Variants in FHIT observed in about 807,000 individuals in gnomAD.
FHIT encodes fragile histidine triad diadenosine triphosphatase.
A neutral mutation model predicts 17.9 loss-of-function variants in FHIT; 19 were observed. The observed-to-expected ratio is 1.06, with a 90% CI of 0.74 to 1.56. The LOEUF is 1.56. Among genes scored for constraint, FHIT ranks in the 40% most tolerant of loss-of-function variants. FHIT has a pLI of 0.00. For synonymous variants in FHIT, 81 were observed against 69.7 expected (o/e 1.16, Z -0.81); for missense variants, 248 against 189.2 (o/e 1.31, Z -1.82).
chr3:61,091,871 T>C (rs1180389174), intron 2 of FHIT, among the ~76,000 whole-genome samples: 1 of 140,104 alleles, frequency 7.1e-6, no homozygotes, highest in South Asian at 2.3e-4. Flanking sequence ...GTCTGGGAGG[T>C]TGAGGCTACA....
chr3:60,224,929 C>A (rs557397987), intron 5 of FHIT, among the ~76,000 whole-genome samples: 3 of 151,904 alleles, frequency 2.0e-5, no homozygotes, highest in Non-Finnish European at 2.9e-5. Flanking sequence ...CCATTTTGGC[C>A]AGACTGGTCT....
chr3:60,663,274 G>C (rs2040305773), intron 4 of FHIT, among the ~76,000 whole-genome samples: 2 of 150,506 alleles, frequency 1.3e-5, no homozygotes, highest in Admixed American at 6.6e-5. Context: ...AAGTTTGCTA[G>C]AATTTTGTTA....
intron 4 of FHIT, among the ~76,000 whole-genome samples, chr3:60,567,487 T>A (rs1051652015): frequency 6.6e-6 from 1 of 152,108 alleles, no homozygotes; most frequent in Non-Finnish European, 1.5e-5. Context: ...ATGTTAGACC[T>A]AAAACCATAA....
chr3:60,006,407 C>T (rs1392405578), intron 7 of FHIT, among the ~76,000 whole-genome samples: 5 of 152,040 alleles, frequency 3.3e-5, no homozygotes, highest in African/African-American at 9.7e-5. Context: ...TAGTTACAAC[C>T]CCTTAAAGCC....
At chr3:60,066,716 G>A (rs1329545280) in intron 5 of FHIT, among the ~76,000 whole-genome samples, 1 of 129,684 alleles carries the variant, frequency 7.7e-6, no homozygotes, top group Non-Finnish European at 1.6e-5. Flanking sequence ...GAGTGCAGAG[G>A]CACGATCTCG....
chr3:59,826,209 T>C (rs371710646), intron 8 of FHIT, among the ~76,000 whole-genome samples: 171 of 152,212 alleles, frequency 1.1e-3, no homozygotes, highest in African/African-American at 4.0e-3. Context: ...CCTTGGCCTC[T>C]GGGGCTCAGG....
chr3:59,763,566 A>G (rs915233583), intron 8 of FHIT, among the ~76,000 whole-genome samples: 3 of 152,246 alleles, frequency 2.0e-5, no homozygotes, highest in Non-Finnish European at 4.4e-5. Context: ...TTTATAGTGT[A>G]ATAGTAATCA....
intron 7 of FHIT, among the ~76,000 whole-genome samples, chr3:59,938,390 C>A (rs757971186): frequency 3.3e-5 from 5 of 151,858 alleles, no homozygotes; most frequent in African/African-American, 4.8e-5. Flanking sequence ...TATCAGACTG[C>A]GGTGGAGGTT....
chr3:60,051,246 G>A lies in FHIT; in HGVS notation c.104-37094C>T, dbSNP rs376824001. Reference sequence around the variant, plus strand: ...TTAAATTTAGCCTGAGGCTGTCTCCGTAATTTGAGTCCCTACCTAAGGAAC... The same window carrying A: ...TTAAATTTAGCCTGAGGCTGTCTCCATAATTTGAGTCCCTACCTAAGGAAC... On this transcript the variant is annotated intron_variant, in intron 5 of 9. Transcript: ENST00000492590. Among the ~76,000 whole-genome samples the A allele has an allele frequency of 9.9e-5, 15 of 150,988 alleles. No individual in the cohort carries two copies. In the South Asian group the frequency reaches 2.1e-3, roughly 21 times the overall value.
At chr3:61,025,367 T>G (rs1456582665) in intron 3 of FHIT, among the ~76,000 whole-genome samples, 1 of 152,218 alleles carries the variant, frequency 6.6e-6, no homozygotes, top group Non-Finnish European at 1.5e-5. Flanking sequence ...GTTAGGTCAG[T>G]GACCAAATGT....
chr3:60,129,964 C>A (rs1451517326), intron 5 of FHIT, among the ~76,000 whole-genome samples: 1 of 152,122 alleles, frequency 6.6e-6, no homozygotes, highest in African/African-American at 2.4e-5. Context: ...TTACATTTCT[C>A]TTTAGGATTA....
intron 4 of FHIT, among the ~76,000 whole-genome samples, chr3:60,568,975 ATTCT>A (rs1213827272): frequency 1.5e-5 from 1 of 67,340 alleles, no homozygotes; most frequent in Non-Finnish European, 2.6e-5. Context: ...TATGCTAGAG[ATTCT>A]TTTTTTTTTT....
intron 9 of FHIT, chr3:59,751,088 T>C (rs1283587518): frequency 6.0e-6 from 1 of 166,710 alleles, no homozygotes; most frequent in Admixed American, 6.6e-5. Context: ...CATGGGAGTT[T>C]ATTAACAGGT....
At chr3:60,535,117 G>C (rs958464775) in intron 5 of FHIT, among the ~76,000 whole-genome samples, 2 of 152,146 alleles carry the variant, frequency 1.3e-5, no homozygotes, top group African/African-American at 4.8e-5. Flanking sequence ...CCAGCTACTT[G>C]GGAGGCTGTG....
At chr3:60,906,899 T>C (rs1292067069) in intron 3 of FHIT, among the ~76,000 whole-genome samples, 1 of 152,154 alleles carries the variant, frequency 6.6e-6, no homozygotes, top group Non-Finnish European at 1.5e-5. Flanking sequence ...GCTCTATGAA[T>C]AAATTGTTCT....
chr3:60,415,527 G>T (rs1301544814), intron 5 of FHIT, among the ~76,000 whole-genome samples: 1 of 152,136 alleles, frequency 6.6e-6, no homozygotes, highest in Non-Finnish European at 1.5e-5. Context: ...GAAACAGAGT[G>T]TAATCATATC....
chr3:60,796,610 T>C (rs184271722), intron 4 of FHIT, among the ~76,000 whole-genome samples: 1 of 152,150 alleles, frequency 6.6e-6, no homozygotes, highest in Admixed American at 6.5e-5. Context: ...TGAGATGGAG[T>C]CTTGGTCTGT....
intron 3 of FHIT, among the ~76,000 whole-genome samples, chr3:60,918,868 T>C (rs954809623): frequency 6.6e-6 from 1 of 152,266 alleles, no homozygotes; most frequent in Admixed American, 6.5e-5. Flanking sequence ...CCAATCTGAA[T>C]GGCATTATTT....
intron 1 of FHIT, among the ~76,000 whole-genome samples, chr3:61,208,913 G>A (rs956854850): frequency 6.6e-6 from 1 of 152,008 alleles, no homozygotes; most frequent in Non-Finnish European, 1.5e-5. Flanking sequence ...TCCTAGCCTT[G>A]ATGGTCTTTA....
Sources: allele counts gnomAD v4.1 joint callset (sites outside exome capture counted in the v4.1 genomes callset), GRCh38; gene constraint gnomAD v4.1.1; transcripts MANE v1.5; gene names NCBI Gene and HGNC (gene_info 2026-07-23, HGNC 2026-07-21).